NR6A1: variants seen among roughly 807,000 people sequenced by gnomAD.
NR6A1 encodes the protein nuclear receptor subfamily 6 group A member 1, also known as retinoic acid receptor-related testis-associated receptor.
NR6A1 carries 7 observed loss-of-function variants against 59.1 expected under a neutral mutation model. That is an observed-to-expected ratio of 0.12 (90% CI 0.07 to 0.22). The LOEUF (loss-of-function observed/expected upper bound fraction) is 0.22. Among genes scored for constraint, NR6A1 ranks in the 10% least tolerant of loss-of-function variants. NR6A1 has a pLI of 1.00. For synonymous variants in NR6A1, 243 were observed against 236.1 expected, an observed-to-expected ratio of 1.03 and a Z score of -0.27; for missense variants, 468 against 611.6, an observed-to-expected ratio of 0.77 and a Z score of 2.48.
At chr9:124,706,812 G>A (rs369312920) in intron 2 of NR6A1, among the ~76,000 whole-genome samples, 16 of 152,204 alleles carry the variant, frequency 1.1e-4, no homozygotes, top group African/African-American at 2.9e-4. Flanking sequence ...CACCTCGCCC[G>A]GCCAACAATT....
intron 1 of NR6A1, among the ~76,000 whole-genome samples, chr9:124,745,706 G>A (rs1460297961): frequency 6.8e-6 from 1 of 146,590 alleles, no homozygotes; most frequent in Non-Finnish European, 1.5e-5. Flanking sequence ...GAACAGGCCG[G>A]GTGCGGTGGC....
intron 2 of NR6A1, among the ~76,000 whole-genome samples, chr9:124,722,234 C>T (rs1378898331): frequency 6.6e-6 from 1 of 152,170 alleles, no homozygotes. Flanking sequence ...ATTTTATATG[C>T]TATAATCCTT....
At chr9:124,757,841 A>T (rs1840676734) in intron 1 of NR6A1, among the ~76,000 whole-genome samples, 1 of 152,224 alleles carries the variant, frequency 6.6e-6, no homozygotes. Context: ...TTCTCCAGCC[A>T]GGAGTCCTTA....
chr9:124,656,080 CA>C (rs1200212715), intron 2 of NR6A1, among the ~76,000 whole-genome samples: 1 of 152,070 alleles, frequency 6.6e-6, no homozygotes, highest in Non-Finnish European at 1.5e-5. Context: ...TTGCAGTAGT[CA>C]GTGAGTGCTG....
At chr9:124,767,837 ACCTTCCTTTG>A (rs1359979668) in intron 1 of NR6A1, among the ~76,000 whole-genome samples, 1 of 152,208 alleles carries the variant, frequency 6.6e-6, no homozygotes, top group Non-Finnish European at 1.5e-5. Context: ...ATGGCTTATA[ACCTTCCTTTG>A]CCTTCCTTTG....
intron 7 of NR6A1, among the ~76,000 whole-genome samples, chr9:124,530,029 G>A (rs1332854491): frequency 2.0e-5 from 3 of 152,116 alleles, no homozygotes; most frequent in African/African-American, 7.2e-5. Context: ...CCTTTAATCA[G>A]CAACCCCTTG....
chr9:124,688,396 A>C (rs1838412270), intron 2 of NR6A1, among the ~76,000 whole-genome samples: 1 of 152,182 alleles, frequency 6.6e-6, no homozygotes, highest in African/African-American at 2.4e-5. Flanking sequence ...TACCGTACTC[A>C]CCTATTTTTG....
intron 5 of NR6A1, 40 bp from the exon 6 acceptor site, chr9:124,538,359 G>T: frequency 6.6e-7 from 1 of 1,507,990 alleles, no homozygotes; most frequent in Non-Finnish European, 9.2e-7. Flanking sequence ...GCCATGGCAA[G>T]TCTAGTAATT....
chr9:124,759,145 AT>A (rs1564270683), intron 1 of NR6A1, among the ~76,000 whole-genome samples: 2 of 152,128 alleles, frequency 1.3e-5, no homozygotes, highest in African/African-American at 4.8e-5. Context: ...CTTTCTCACT[AT>A]CTCTCTTTTC....
chr9:124,543,290 C>G (rs1490236077), intron 4 of NR6A1, among the ~76,000 whole-genome samples: 1 of 152,192 alleles, frequency 6.6e-6, no homozygotes, highest in Non-Finnish European at 1.5e-5. Context: ...TCTCACCTTA[C>G]TATGATGTCT....
At chr9:124,661,646 A>G (rs1013169380) in intron 2 of NR6A1, among the ~76,000 whole-genome samples, 4 of 152,236 alleles carry the variant, frequency 2.6e-5, no homozygotes, top group African/African-American at 7.2e-5. Flanking sequence ...GCTGGTAAAC[A>G]TAATAGCAAC....
At chr9:124,622,728 G>A (rs989906407) in intron 2 of NR6A1, among the ~76,000 whole-genome samples, 1 of 152,012 alleles carries the variant, frequency 6.6e-6, no homozygotes, top group African/African-American at 2.4e-5. Flanking sequence ...TTGGGAATGG[G>A]GTAGAGCAAC....
intron 2 of NR6A1, among the ~76,000 whole-genome samples, chr9:124,720,108 C>T (rs940300515): frequency 5.3e-5 from 8 of 152,144 alleles, no homozygotes; most frequent in South Asian, 4.2e-4. Context: ...AGTGCAATGA[C>T]GCAATCTCAG....
At chr9:124,600,595 T>C (rs1233005365) in intron 2 of NR6A1, among the ~76,000 whole-genome samples, 1 of 152,240 alleles carries the variant, frequency 6.6e-6, no homozygotes, top group Non-Finnish European at 1.5e-5. Flanking sequence ...TATGTGATCC[T>C]TGCCCTAGAA....
intron 7 of NR6A1, among the ~76,000 whole-genome samples, chr9:124,533,203 G>A (rs1406710088): frequency 6.6e-6 from 1 of 152,218 alleles, no homozygotes; most frequent in Non-Finnish European, 1.5e-5. Context: ...CCTTGGGCCA[G>A]CTCTGCAAAC....
chr9:124,744,170 G>A (rs1840257543), intron 1 of NR6A1, among the ~76,000 whole-genome samples: 1 of 152,192 alleles, frequency 6.6e-6, no homozygotes, highest in Non-Finnish European at 1.5e-5. Flanking sequence ...AGCCTGGGAG[G>A]TTGAGGCCGC....
intron 2 of NR6A1, among the ~76,000 whole-genome samples, chr9:124,576,598 G>A (rs1181278033): frequency 6.6e-6 from 1 of 152,102 alleles, no homozygotes; most frequent in African/African-American, 2.4e-5. Context: ...AGCAACACAA[G>A]CTTTGTATCC....
intron 2 of NR6A1, among the ~76,000 whole-genome samples, chr9:124,563,973 G>C (rs1834158982): frequency 6.6e-6 from 1 of 152,064 alleles, no homozygotes; most frequent in Admixed American, 6.5e-5. Flanking sequence ...AGCTACCTGG[G>C]ATACTGAGGT....
chr9:124,669,870 T>A (rs1837736316), intron 2 of NR6A1, among the ~76,000 whole-genome samples: 1 of 152,158 alleles, frequency 6.6e-6, no homozygotes, highest in Middle Eastern at 3.2e-3. Flanking sequence ...GTGCTGGAAT[T>A]ACAGGGGTGA....
Sources: gnomAD v4.1 joint callset for allele counts (sites outside exome capture counted in the v4.1 genomes callset) on GRCh38, gnomAD v4.1.1 for gene constraint, MANE v1.5 for transcripts, NCBI Gene and HGNC (gene_info 2026-07-23, HGNC 2026-07-21) for gene names.